The following OSBPL9 variants were observed in gnomAD, a reference collection of about 807,000 sequenced individuals.
The protein encoded by OSBPL9 is oxysterol binding protein like 9, also known as oxysterol-binding protein-related protein 9.
In OSBPL9, 40 loss-of-function variants were observed where a neutral mutation model predicts 106.6. That is an observed-to-expected ratio of 0.38 (90% CI 0.29 to 0.49). The LOEUF is 0.49. Among genes scored for constraint, OSBPL9 ranks in the 20% least tolerant of loss-of-function variants. OSBPL9 has a pLI of 0.97. For synonymous variants in OSBPL9, 269 were observed against 295.4 expected, an observed-to-expected ratio of 0.91 and a Z score of 0.92; for missense variants, 609 against 887.2, an observed-to-expected ratio of 0.69 and a Z score of 3.98.
chr1:51,640,374 C>T (rs1236074255), intron 1 of OSBPL9, among the ~76,000 whole-genome samples: 1 of 152,154 alleles, frequency 6.6e-6, no homozygotes, highest in African/African-American at 2.4e-5. Context: ...TAGGAATAAA[C>T]TGAACTAATC....
At chr1:51,655,508 C>A (rs1646765797) in intron 2 of OSBPL9, among the ~76,000 whole-genome samples, 1 of 152,118 alleles carries the variant, frequency 6.6e-6, no homozygotes, top group Non-Finnish European at 1.5e-5. Flanking sequence ...TTTAAAAGAC[C>A]TCATGTGATG....
intron 4 of OSBPL9, 158 bp from the exon 5 acceptor site, chr1:51,745,378 T>G (rs915307894): frequency 3.4e-5 from 36 of 1,066,054 alleles, no homozygotes; most frequent in Non-Finnish European, 4.4e-5. Context: ...TACCACTGTT[T>G]AAATAGACCT....
At chr1:51,518,921 C>T in the OSBPL9 span, among the ~76,000 whole-genome samples, 1 of 151,594 alleles carries the variant, frequency 6.6e-6, no homozygotes, top group East Asian at 1.9e-4. Context: ...GGGTCACAGT[C>T]CACTCGGCAG....
intron 7 of OSBPL9, among the ~76,000 whole-genome samples, chr1:51,748,856 T>C (rs1185037729): frequency 6.6e-6 from 1 of 151,948 alleles, no homozygotes; most frequent in Non-Finnish European, 1.5e-5. Flanking sequence ...GAGGCCGAGG[T>C]GGGCGGATCA....
the OSBPL9 span, among the ~76,000 whole-genome samples, chr1:51,523,576 C>T: frequency 6.6e-6 from 1 of 152,092 alleles, no homozygotes; most frequent in East Asian, 1.9e-4. Flanking sequence ...TGCGCTTTTT[C>T]CTGGGGTGTG....
intron 2 of OSBPL9, among the ~76,000 whole-genome samples, chr1:51,607,552 A>C (rs180981337): frequency 7.2e-5 from 11 of 152,318 alleles, no homozygotes; most frequent in African/African-American, 2.4e-4. Flanking sequence ...GTGTGTATAT[A>C]TGCACACAAC....
intron 3 of OSBPL9, among the ~76,000 whole-genome samples, chr1:51,691,508 G>A (rs139129869): frequency 2.9e-4 from 44 of 151,652 alleles, no homozygotes; most frequent in African/African-American, 9.9e-4. Flanking sequence ...GGCTGGTCTC[G>A]AACGCCTGAC....
intron 8 of OSBPL9, among the ~76,000 whole-genome samples, chr1:51,750,983 T>C (rs1669108690): frequency 6.6e-6 from 1 of 152,234 alleles, no homozygotes; most frequent in Non-Finnish European, 1.5e-5. Flanking sequence ...CCTACTGTTG[T>C]TAATGACACA....
rs560057652 is a variant in OSBPL9 at position 51,661,767 on chromosome 1, A to T, written c.163-7667A>T. The stretch of plus-strand genomic sequence containing the variant: ...TTATCAAAGGGAGTTTTGCTTTACC[A>T]GATATAATCAAAAAAATACTCTAAA... On this transcript the variant is annotated intron_variant, in intron 2 of 23. Transcript: ENST00000428468. Among the ~76,000 whole-genome samples, 14 of 152,330 alleles carry T rather than the reference A, an allele frequency of 9.2e-5. No homozygotes were observed. The South Asian group carries it at 2.9e-3, about 32-fold the overall frequency.
At chr1:51,690,551 A>G (rs1426926028) in intron 3 of OSBPL9, among the ~76,000 whole-genome samples, 3 of 152,214 alleles carry the variant, frequency 2.0e-5, no homozygotes, top group Admixed American at 2.0e-4. Context: ...AAAAATAAAG[A>G]TTTCTTAGGA....
chr1:51,671,329 T>C (rs913197876), intron 3 of OSBPL9, among the ~76,000 whole-genome samples: 7 of 152,204 alleles, frequency 4.6e-5, no homozygotes, highest in African/African-American at 1.7e-4. Context: ...AAATTCTTGA[T>C]TAGAATTGAA....
At position 51,787,966 on chromosome 1, in the gene OSBPL9, T is replaced by C. The variant is rs1678108534; in HGVS notation, c.*177T>C. The C allele has an allele frequency of 1.7e-6, 1 of 594,656 alleles. No individual in the cohort carries two copies. The allele number at this position is 594,656 out of a possible 1,614,324, so 36.8% of individuals were successfully genotyped here. ...CAATTAAGGGGAAAAGCTTCCCTTT[T>C]CCCTCTGTGGCAGTTACGATTTTGA... On this transcript the variant is annotated 3_prime_UTR_variant, in exon 24 of 24. Coordinates refer to ENST00000428468, the MANE Select transcript of OSBPL9 (RefSeq NM_024586.6).
chr1:51,536,678 C>T, the OSBPL9 span, among the ~76,000 whole-genome samples: 1 of 152,118 alleles, frequency 6.6e-6, no homozygotes, highest in East Asian at 1.9e-4. Flanking sequence ...CACTATTATT[C>T]ACGATATTCA....
intron 6 of OSBPL9, among the ~76,000 whole-genome samples, chr1:51,747,841 G>A (rs1157502871): frequency 6.6e-6 from 1 of 152,130 alleles, no homozygotes; most frequent in African/African-American, 2.4e-5. Flanking sequence ...CCAGGCTGGA[G>A]TGCAGTGGCG....
At chr1:51,771,029 G>A (rs1571685987) in intron 12 of OSBPL9, among the ~76,000 whole-genome samples, 1 of 152,262 alleles carries the variant, frequency 6.6e-6, no homozygotes, top group East Asian at 1.9e-4. Context: ...GGTATGGGAT[G>A]TTGATCATGA....
chr1:51,772,770 C>A, intron 14 of OSBPL9, 47 bp downstream of exon 14: 2 of 1,282,182 alleles, frequency 1.6e-6, no homozygotes, highest in Admixed American at 1.7e-5. Flanking sequence ...TATGGATTCT[C>A]AGTGATTGCG....
At chr1:51,776,377 A>C (rs1675077932) in intron 14 of OSBPL9, among the ~76,000 whole-genome samples, 1 of 152,218 alleles carries the variant, frequency 6.6e-6, no homozygotes, top group South Asian at 2.1e-4. Context: ...TAATGGGACA[A>C]TTAATAGTGG....
At chr1:51,767,988 C>T (rs1201607640) in intron 12 of OSBPL9, among the ~76,000 whole-genome samples, 2 of 116,416 alleles carry the variant, frequency 1.7e-5, no homozygotes, top group East Asian at 3.0e-4. Context: ...GTCGCCCAGG[C>T]TGGAGTGCAG....
At chr1:51,669,917 A>G (rs1649464472) in intron 3 of OSBPL9, 3 of 403,816 alleles carry the variant, frequency 7.4e-6, no homozygotes, top group South Asian at 3.5e-5. Context: ...AACTCAAAAT[A>G]TAAATTAAAT....
Sources: allele counts gnomAD v4.1 joint callset (sites outside exome capture counted in the v4.1 genomes callset), GRCh38; gene constraint gnomAD v4.1.1; transcripts MANE v1.5; gene names NCBI Gene and HGNC (gene_info 2026-07-23, HGNC 2026-07-21).